VWA8: variants seen among roughly 807,000 people sequenced by gnomAD.
VWA8 encodes von Willebrand factor A domain-containing protein 8.
A neutral mutation model predicts 241.5 loss-of-function variants in VWA8; 221 were observed. That is an observed-to-expected ratio of 0.91 (90% CI 0.82 to 1.02). The LOEUF is 1.02. Ranked by LOEUF, VWA8 falls within the 50% of genes least tolerant of loss-of-function variation. The pLI, the probability that VWA8 is intolerant of heterozygous loss-of-function variation, is 0.00. For missense variants in VWA8, 2,322 were observed against 2,328.7 expected (o/e 1.00, Z 0.06); for synonymous variants, 852 against 827.1 (o/e 1.03, Z -0.52).
At chr13:41,610,358 G>C (rs926467513) in intron 39 of VWA8, among the ~76,000 whole-genome samples, 4 of 152,192 alleles carry the variant, frequency 2.6e-5, no homozygotes, top group Non-Finnish European at 5.9e-5. Context: ...GAGAAAGGGA[G>C]AGTGAATTTT....
chr13:41,572,429 C>T lies in VWA8; in HGVS notation c.5371-1723G>A, dbSNP rs145966514. On this transcript the variant is annotated intron_variant, in intron 43 of 44. Transcript: ENST00000379310. Reference sequence around the variant, plus strand: ...TGTAGAAAGAAGTAGACATGGGAGACTCCATTTTGTTCTGTATTAAGAAAA... The same window carrying T: ...TGTAGAAAGAAGTAGACATGGGAGATTCCATTTTGTTCTGTATTAAGAAAA... Among the ~76,000 whole-genome samples the T allele has an allele frequency of 5.0e-3, 765 of 152,278 alleles. 3 individuals are homozygous for T. Among genetic ancestry groups the T allele is most frequent in the Non-Finnish European group, 8.6e-3 (586 of 68,008 alleles).
Position 41,812,002 on chromosome 13 carries a change from G to A in VWA8, c.1948-662C>T, listed in dbSNP as rs369996859. ...GCATAACATAATGGTAAAGTTTATA[G>A]GCTTTTGAATCAGATAAGTCGGTAT... On this transcript the variant is annotated intron_variant, in intron 16 of 44. Transcript: ENST00000379310. Among the ~76,000 whole-genome samples the A allele has an allele frequency of 2.9e-4, 44 of 152,222 alleles. No homozygotes were observed. The East Asian group carries it at 6.6e-3, about 23-fold the overall frequency.
intron 2 of VWA8, chr13:41,926,057 G>C (rs1052170190): frequency 1.3e-5 from 6 of 457,734 alleles, no homozygotes; most frequent in Non-Finnish European, 2.1e-5. Flanking sequence ...GGGTCAAGTT[G>C]CAAGTCATGG....
At chr13:41,691,259 T>A in intron 32 of VWA8, 61 bp downstream of exon 32, 1 of 1,547,956 alleles carries the variant, frequency 6.5e-7, no homozygotes, top group African/African-American at 1.4e-5. Context: ...AGATGTTGGA[T>A]AATTCATAAA....
At chr13:41,625,601 T>C (rs2044684771) in intron 37 of VWA8, among the ~76,000 whole-genome samples, 1 of 152,134 alleles carries the variant, frequency 6.6e-6, no homozygotes, top group African/African-American at 2.4e-5. Context: ...GGAGAGGATG[T>C]GGAGAAATAG....
intron 17 of VWA8, among the ~76,000 whole-genome samples, chr13:41,795,989 T>C (rs1414528939): frequency 1.3e-5 from 2 of 152,076 alleles, no homozygotes; most frequent in African/African-American, 4.8e-5. Context: ...ATAAAATGCA[T>C]CTAAAAATGA....
At chr13:41,637,623 T>C (rs1014865365) in intron 37 of VWA8, among the ~76,000 whole-genome samples, 2 of 152,064 alleles carry the variant, frequency 1.3e-5, no homozygotes, top group South Asian at 4.1e-4. Context: ...GAAATGTGTT[T>C]AAAATGTGTT....
intron 43 of VWA8, among the ~76,000 whole-genome samples, chr13:41,571,309 T>G (rs930271359): frequency 4.8e-4 from 49 of 102,662 alleles, no homozygotes; most frequent in African/African-American, 1.7e-3. Flanking sequence ...TCCCTCTCCC[T>G]CCTCCCTCTC....
At chr13:41,936,117 TTCTA>T (rs1877337007) in intron 2 of VWA8, among the ~76,000 whole-genome samples, 1 of 152,160 alleles carries the variant, frequency 6.6e-6, no homozygotes, top group Non-Finnish European at 1.5e-5. Context: ...CAATATTACT[TTCTA>T]AAGAAGTCAT....
intron 19 of VWA8, among the ~76,000 whole-genome samples, chr13:41,780,606 C>G (rs1868846497): frequency 6.6e-6 from 1 of 152,156 alleles, no homozygotes; most frequent in Non-Finnish European, 1.5e-5. Context: ...AGGTTTTTAT[C>G]ATCTCTAGCC....
chr13:41,791,342 A>C (rs1004276901), intron 17 of VWA8, among the ~76,000 whole-genome samples: 3 of 151,928 alleles, frequency 2.0e-5, no homozygotes, highest in Non-Finnish European at 4.4e-5. Flanking sequence ...AGTTGATAAC[A>C]CTGGAAAAAT....
At chr13:41,950,175 T>C (rs978706105) in intron 1 of VWA8, among the ~76,000 whole-genome samples, 162 bp from the exon 2 acceptor site, 12 of 152,184 alleles carry the variant, frequency 7.9e-5, no homozygotes, top group Non-Finnish European at 1.2e-4. Flanking sequence ...CTATCCAAAG[T>C]ATATATGTAT....
chr13:41,891,359 T>A lies in VWA8; in HGVS notation c.651+61A>T, dbSNP rs1353989970. Reference sequence around the variant, plus strand: ...TCCAACAGAGCCATGTCTTACACAATAAAATGGCACTGCCCATAGCTTGAC... The same window carrying A: ...TCCAACAGAGCCATGTCTTACACAAAAAAATGGCACTGCCCATAGCTTGAC... On this transcript the variant is annotated intron_variant, in intron 5 of 44. Coordinates refer to ENST00000379310, the MANE Select transcript of VWA8 (RefSeq NM_015058.2). 1.9e-6 allele frequency: 3 copies of A among 1,593,726 alleles called. No homozygotes were observed. The Admixed American group carries it at 5.1e-5, about 27-fold the overall frequency.
chr13:41,923,849 A>G (rs1403291331), intron 2 of VWA8, among the ~76,000 whole-genome samples: 3 of 152,010 alleles, frequency 2.0e-5, no homozygotes, highest in Non-Finnish European at 4.4e-5. Flanking sequence ...CACTGCTCCA[A>G]CGTGCCCAAC....
chr13:41,950,270 A>C (rs1398053408), intron 1 of VWA8, among the ~76,000 whole-genome samples: 1 of 152,224 alleles, frequency 6.6e-6, no homozygotes, highest in Non-Finnish European at 1.5e-5. Flanking sequence ...ATACATCAAC[A>C]AGCTTTATTT....
intron 14 of VWA8, among the ~76,000 whole-genome samples, chr13:41,827,996 C>T (rs9532932): frequency 0.084 from 12,797 of 152,162 alleles, 552 homozygotes; most frequent in Middle Eastern, 0.11. Flanking sequence ...TTCCATGACC[C>T]GTGATTCACA....
intron 40 of VWA8, among the ~76,000 whole-genome samples, chr13:41,604,694 G>A (rs1160948472): frequency 6.6e-6 from 1 of 152,130 alleles, no homozygotes; most frequent in Non-Finnish European, 1.5e-5. Flanking sequence ...CCTTTGTCCT[G>A]AAATGAGGCT....
intron 2 of VWA8, among the ~76,000 whole-genome samples, chr13:41,924,437 A>T (rs1355218093): frequency 7.3e-6 from 1 of 137,458 alleles, no homozygotes; most frequent in Non-Finnish European, 1.6e-5. Flanking sequence ...AGGAAGGAAA[A>T]GCGGGGGGAA....
intron 2 of VWA8, among the ~76,000 whole-genome samples, chr13:41,948,078 G>GGATGC (rs1877948543): frequency 6.6e-6 from 1 of 151,872 alleles, no homozygotes; most frequent in Non-Finnish European, 1.5e-5. Context: ...ACTTGCATAT[G>GGATGC]GATGCTTGGA....
Sources: gnomAD v4.1 joint callset for allele counts (sites outside exome capture counted in the v4.1 genomes callset) on GRCh38, gnomAD v4.1.1 for gene constraint, MANE v1.5 for transcripts, NCBI Gene and HGNC (gene_info 2026-07-23, HGNC 2026-07-21) for gene names.